LMNA: variants seen among roughly 807,000 people sequenced by gnomAD.
LMNA encodes lamin.
LMNA carries 20 observed loss-of-function variants against 70.4 expected under a neutral mutation model. The observed-to-expected ratio is 0.28, with a 90% CI of 0.20 to 0.41. The LOEUF (loss-of-function observed/expected upper bound fraction) is 0.41, where lower values mean the gene tolerates loss of function less well. LMNA is among the 10% of genes least tolerant of loss of function. The pLI, the probability that LMNA is intolerant of heterozygous loss-of-function variation, is 1.00. For missense variants in LMNA, 652 were observed against 917.2 expected (o/e 0.71, Z 3.73); for synonymous variants, 339 against 372.8 (o/e 0.91, Z 1.04).
chr1:156,088,216 G>GCTAT (rs1648553802), intron 2 of LMNA, among the ~76,000 whole-genome samples: 1 of 152,156 alleles, frequency 6.6e-6, no homozygotes, highest in African/African-American at 2.4e-5. Context: ...AGTCTGTGTT[G>GCTAT]CTATCTAACC....
At chr1:156,120,649 G>T (rs1650123191) in intron 1 of LMNA, among the ~76,000 whole-genome samples, 2 of 152,260 alleles carry the variant, frequency 1.3e-5, no homozygotes, top group South Asian at 4.1e-4. Flanking sequence ...GGAGTTTGAG[G>T]CTATTGTGAG....
chr1:156,127,796 C>T (rs1650724806), intron 1 of LMNA, among the ~76,000 whole-genome samples: 1 of 152,036 alleles, frequency 6.6e-6, no homozygotes, highest in East Asian at 1.9e-4. Context: ...AAGCAATTCT[C>T]GTGTCTCAGC....
chr1:156,131,825 A>C (rs1338241563), intron 2 of LMNA, among the ~76,000 whole-genome samples: 1 of 152,224 alleles, frequency 6.6e-6, no homozygotes, highest in Admixed American at 6.5e-5. Flanking sequence ...CTTTGTGTAT[A>C]TAGAGTGGCC....
chr1:156,089,152 T>C (rs1356953559), intron 2 of LMNA, among the ~76,000 whole-genome samples: 1 of 152,106 alleles, frequency 6.6e-6, no homozygotes, highest in African/African-American at 2.4e-5. Context: ...AATTTTTGTA[T>C]TTTTTGTAGA....
At chr1:156,130,194 C>A (rs769619461) in intron 1 of LMNA, among the ~76,000 whole-genome samples, 32 of 152,152 alleles carry the variant, frequency 2.1e-4, no homozygotes, top group Non-Finnish European at 3.5e-4. Flanking sequence ...TCAGGCTCCT[C>A]AGAGGGAGGG....
intron 1 of LMNA, chr1:156,126,944 G>A: frequency 5.8e-6 from 9 of 1,550,580 alleles, no homozygotes; most frequent in African/African-American, 1.4e-5. Flanking sequence ...CCCGACCCCT[G>A]CCCGGGTATT....
chr1:156,086,506 C>A (rs891154506), intron 2 of LMNA, among the ~76,000 whole-genome samples: 6 of 152,154 alleles, frequency 3.9e-5, no homozygotes, highest in African/African-American at 1.4e-4. Context: ...AGTACATACA[C>A]ACACACAAGC....
intron 2 of LMNA, among the ~76,000 whole-genome samples, chr1:156,088,291 A>C (rs931787713): frequency 1.3e-5 from 2 of 152,092 alleles, no homozygotes; most frequent in African/African-American, 4.8e-5. Context: ...TCAACACATT[A>C]ATTAATTTAA....
chr1:156,087,243 CTT>C (rs1167426596), intron 2 of LMNA, among the ~76,000 whole-genome samples: 14 of 143,670 alleles, frequency 9.7e-5, no homozygotes, highest in Admixed American at 7.0e-5. Flanking sequence ...CTTTTCTTTC[CTT>C]TTTTTTTTTT....
In LMNA at chr1:156,129,935, C is replaced by T. The variant is rs372247860; in HGVS notation, c.357-682C>T. On this transcript the variant is annotated intron_variant, in intron 1 of 11. Transcript: ENST00000368300. ...TAGGGCTCAGCCTTCTCCCAGGGCACGGATGAGGCAGGAGGGAGGGAGGCA... is the reference window on the plus strand; with the variant it reads ...TAGGGCTCAGCCTTCTCCCAGGGCATGGATGAGGCAGGAGGGAGGGAGGCA... 9.9e-4 allele frequency: 744 copies of T among 748,466 alleles called. 1 individual carries two copies. The highest frequency in any genetic ancestry group is 3.1e-3 in the Middle Eastern group (9 of 2,938). The allele number at this position is 748,466 out of a possible 1,614,324, so 46.4% of individuals were successfully genotyped here.
intron 1 of LMNA, among the ~76,000 whole-genome samples, chr1:156,119,821 A>AT (rs2102831153): frequency 6.6e-6 from 1 of 152,022 alleles, no homozygotes; most frequent in South Asian, 2.1e-4. Context: ...GGTGGTCTGA[A>AT]TGTCTACCTC....
rs1332909001 is a variant in LMNA, at chr1:156,136,197, G to T, written c.1158-17G>T. The T allele has an allele frequency of 6.2e-7, 1 of 1,612,854 alleles. No individual in the cohort carries two copies. The highest frequency in any genetic ancestry group is 2.2e-5 in the East Asian group (1 of 44,888). ...ACTGGCCTTGACTAGACCCCCACTTGGTCTCCCTCTCCCCAGGCTACGCCT... is the reference window on the plus strand; with the variant it reads ...ACTGGCCTTGACTAGACCCCCACTTTGTCTCCCTCTCCCCAGGCTACGCCT... On this transcript the variant is annotated splice_polypyrimidine_tract_variant and intron_variant, in intron 6 of 11. Coordinates refer to ENST00000368300, the MANE Select transcript of LMNA (RefSeq NM_170707.4). This position sits in a 1 kb window ranked among gnomAD's most constrained non-coding sequence, Gnocchi z 6.1.
chr1:156,117,478 G>A lies in LMNA; in HGVS notation c.356+2204G>A, dbSNP rs528892035. Among the ~76,000 whole-genome samples, 4 of 151,344 alleles carry A rather than the reference G, an allele frequency of 2.6e-5. No individual in the cohort carries two copies. The South Asian group carries it at 8.3e-4, about 32-fold the overall frequency. ...TCGAACTCCTGACCTCAAGTGATCT[G>A]CCTGCCTCAGCCTCCCAAAGTGTTG... On this transcript the variant is annotated intron_variant, in intron 1 of 11. Coordinates refer to ENST00000368300, the MANE Select transcript of LMNA (RefSeq NM_170707.4).
At chr1:156,105,967 G>GAAAACAA (rs1366707215) in intron 3 of LMNA, among the ~76,000 whole-genome samples, 1 of 151,976 alleles carries the variant, frequency 6.6e-6, no homozygotes, top group African/African-American at 2.4e-5. Flanking sequence ...AAAAAAAACA[G>GAAAACAA]AAAACAAAAA....
intron 3 of LMNA, among the ~76,000 whole-genome samples, chr1:156,107,097 C>T (rs1649377279): frequency 6.6e-6 from 1 of 152,164 alleles, no homozygotes; most frequent in South Asian, 2.1e-4. Context: ...GCCTCTGTCT[C>T]CTCAGCTGTA....
chr1:156,098,799 T>C (rs1490888867), intron 3 of LMNA, among the ~76,000 whole-genome samples: 2 of 152,018 alleles, frequency 1.3e-5, no homozygotes, highest in East Asian at 3.9e-4. Flanking sequence ...AGTGCAAAGG[T>C]AAGGGGTAAG....
chr1:156,112,784 T>A (rs1323189436), upstream of LMNA, among the ~76,000 whole-genome samples: 1 of 152,158 alleles, frequency 6.6e-6, no homozygotes, highest in Non-Finnish European at 1.5e-5. Context: ...CTCCAGTCCC[T>A]CATCCACCCC....
intron 2 of LMNA, among the ~76,000 whole-genome samples, chr1:156,132,837 CTTTT>C (rs34451254): frequency 5.4e-5 from 5 of 93,056 alleles, no homozygotes; most frequent in Admixed American, 1.2e-4. Context: ...CTCTCTCTCT[CTTTT>C]TTTTTTTTTT....
At chr1:156,114,500 G>T (rs1381989594), upstream of LMNA, among the ~76,000 whole-genome samples, 1 of 152,208 alleles carries the variant, frequency 6.6e-6, no homozygotes, top group East Asian at 1.9e-4. Flanking sequence ...GAGCAGGCAG[G>T]AGCCAAGAGA....
Sources: gnomAD v4.1 joint callset for allele counts (sites outside exome capture counted in the v4.1 genomes callset) on GRCh38, gnomAD v4.1.1 for gene constraint, Gnocchi (gnomAD v3.1) non-coding constraint, MANE v1.5 for transcripts, NCBI Gene and HGNC (gene_info 2026-07-23, HGNC 2026-07-21) for gene names.